The following UGT1A10 variants were observed in gnomAD, a reference collection of about 807,000 sequenced individuals.
UGT1A10 encodes UDP-glucuronosyltransferase 1A10.
In UGT1A10, 49 loss-of-function variants were observed where a neutral mutation model predicts 45.8. That is an observed-to-expected ratio of 1.07 (90% confidence interval 0.85 to 1.36). The LOEUF (loss-of-function observed/expected upper bound fraction) is 1.36, where lower values mean the gene tolerates loss of function less well. Ranked by LOEUF, UGT1A10 falls within the 40% of genes most tolerant of loss-of-function variation. The probability of loss-of-function intolerance (pLI) is 0.00; values close to 1 mark genes in which losing one functional copy is unlikely to be tolerated. For missense variants in UGT1A10, 745 were observed against 668.6 expected (o/e 1.11, Z -1.26); for synonymous variants, 284 against 249.7 (o/e 1.14, Z -1.29).
At chr2:233,672,980 A>G (rs570436963) in intron 1 of UGT1A10, among the ~76,000 whole-genome samples, 1 of 152,300 alleles carries the variant, frequency 6.6e-6, no homozygotes, top group African/African-American at 2.4e-5. Context: ...TCTTGAAGAT[A>G]TGTATTTATA....
chr2:233,730,043 T>A (rs766678673), intron 1 of UGT1A10: 9 of 1,612,624 alleles, frequency 5.6e-6, no homozygotes, highest in South Asian at 2.2e-5. Context: ...AAACACTTTT[T>A]AAAAAAATGT....
chr2:233,636,914 G>T lies in UGT1A10; in HGVS notation c.392G>T (p.Arg131Leu). ...FSHCRSLFND[R>L]KLVEYLKESS... ...CATTGCAGGAGTTTGTTTAATGACC[G>T]AAAATTAGTAGAATACTTAAAGGAG... is the stretch of plus-strand genomic sequence containing the variant. Residue 131 changes from arginine (R) to leucine (L), a missense_variant, in exon 1 of 5, where the codon CGA (arginine) becomes CTA (leucine). Transcript: ENST00000344644. 1 of 1,614,086 alleles carries T rather than the reference G, an allele frequency of 6.2e-7. No individual in the cohort carries two copies. The highest frequency in any genetic ancestry group is 8.5e-7 in the Non-Finnish European group (1 of 1,180,018).
chr2:233,754,785 C>T, intron 1 of UGT1A10: 1 of 1,177,776 alleles, frequency 8.5e-7, no homozygotes, highest in Non-Finnish European at 1.2e-6. Context: ...GCCAAAGGAA[C>T]GAAATCCTGT....
intron 1 of UGT1A10, among the ~76,000 whole-genome samples, chr2:233,720,006 T>G (rs1403033451): frequency 6.6e-6 from 1 of 152,190 alleles, no homozygotes; most frequent in Non-Finnish European, 1.5e-5. Context: ...CATTCAGAAC[T>G]GATCCATCCT....
chr2:233,657,411 G>A (rs1156415745), intron 1 of UGT1A10, among the ~76,000 whole-genome samples: 2 of 152,242 alleles, frequency 1.3e-5, no homozygotes, highest in Non-Finnish European at 2.9e-5. Flanking sequence ...ATGGCAGAAG[G>A]TGAATGTGGA....
chr2:233,682,455 T>C (rs769051709), intron 1 of UGT1A10: 6 of 1,613,820 alleles, frequency 3.7e-6, no homozygotes. Context: ...AGGGGAATAT[T>C]TTGCCACTAT....
chr2:233,689,854 C>T (rs994094401), intron 1 of UGT1A10: 1 of 455,394 alleles, frequency 2.2e-6, no homozygotes, highest in Non-Finnish European at 4.4e-6. Flanking sequence ...TTGTTTTAGG[C>T]TACTATTACC....
intron 1 of UGT1A10, among the ~76,000 whole-genome samples, chr2:233,644,475 C>T (rs997331648): frequency 1.3e-5 from 2 of 152,050 alleles, no homozygotes; most frequent in East Asian, 1.9e-4. Flanking sequence ...AGCAGAGATT[C>T]GCTTGAACCT....
chr2:233,747,613 A>T, intron 1 of UGT1A10: 1 of 1,574,722 alleles, frequency 6.4e-7, no homozygotes, highest in Non-Finnish European at 8.7e-7. Context: ...CTACTGCATA[A>T]TGAGGCCCTG....
chr2:233,743,667 C>A, intron 1 of UGT1A10: 1 of 1,367,226 alleles, frequency 7.3e-7, no homozygotes, highest in Non-Finnish European at 9.8e-7. Context: ...AAGGGGTCCT[C>A]GAAGGGCCTG....
chr2:233,682,911 A>G, intron 1 of UGT1A10: 2 of 1,495,816 alleles, frequency 1.3e-6, no homozygotes, highest in Non-Finnish European at 1.8e-6. Flanking sequence ...TTCTGGTTTA[A>G]GGAATTCTTT....
At chr2:233,766,582 G>A (rs1699191924) in intron 1 of UGT1A10, among the ~76,000 whole-genome samples, 1 of 152,174 alleles carries the variant, frequency 6.6e-6, no homozygotes, top group South Asian at 2.1e-4. Context: ...GTCTGGGGGT[G>A]GAGCCCTCGC....
At chr2:233,710,997 T>C (rs1288211350) in intron 1 of UGT1A10, among the ~76,000 whole-genome samples, 1 of 152,218 alleles carries the variant, frequency 6.6e-6, no homozygotes, top group Non-Finnish European at 1.5e-5. Context: ...ATCAGGCTAT[T>C]GGATGCCTTT....
At chr2:233,770,519 A>C (rs1327661350) in intron 4 of UGT1A10, 1 of 152,120 alleles carries the variant, frequency 6.6e-6, no homozygotes, top group South Asian at 2.1e-4. Context: ...TTACCCAGGC[A>C]TGGTGGTGTA....
In UGT1A10 at chr2:233,665,931, C is replaced by T. The variant is rs555973488; in HGVS notation, c.855+28554C>T. On this transcript the variant is annotated intron_variant, in intron 1 of 4. Coordinates refer to ENST00000344644, the MANE Select transcript of UGT1A10 (RefSeq NM_019075.4). ...CATATGAGAGGTCCAGCTGTTCATA[C>T]TCACCAACACTGGATGTCTTAGTCC... Among the ~76,000 whole-genome samples the T allele has an allele frequency of 2.0e-5, 3 of 152,296 alleles. No homozygotes were observed. In the East Asian group the frequency reaches 5.8e-4, roughly 29 times the overall value.
chr2:233,679,366 G>C (rs541189452), intron 1 of UGT1A10, among the ~76,000 whole-genome samples: 1 of 152,334 alleles, frequency 6.6e-6, no homozygotes, highest in South Asian at 2.1e-4. Context: ...CAATAAAACT[G>C]TCAGTGAGTG....
intron 1 of UGT1A10, among the ~76,000 whole-genome samples, chr2:233,731,630 C>A (rs1226359620): frequency 6.6e-6 from 1 of 152,176 alleles, no homozygotes; most frequent in Non-Finnish European, 1.5e-5. Context: ...TTTTTTATGG[C>A]TGCATAGTAT....
chr2:233,682,698 G>T (rs144940363), intron 1 of UGT1A10: 1 of 1,613,794 alleles, frequency 6.2e-7, no homozygotes, highest in Non-Finnish European at 8.5e-7. Flanking sequence ...TGGTTGTTGC[G>T]AACTGACTTT....
chr2:233,729,346 T>C (rs1339922469), intron 1 of UGT1A10: 1 of 1,614,150 alleles, frequency 6.2e-7, no homozygotes, highest in Non-Finnish European at 8.5e-7. Context: ...AGAAGAGAAC[T>C]TTTTCACCCT....
Sources: gnomAD v4.1 joint callset for allele counts (sites outside exome capture counted in the v4.1 genomes callset) on GRCh38, gnomAD v4.1.1 for gene constraint, MANE v1.5 for transcripts, NCBI Gene and HGNC (gene_info 2026-07-23, HGNC 2026-07-21) for gene names.